The following SERPINE2 variants were observed in gnomAD, a reference collection of about 807,000 sequenced individuals.
SERPINE2 encodes serpin family E member 2, also known as glia-derived nexin.
SERPINE2 carries 14 observed loss-of-function variants against 36.3 expected under a neutral mutation model. The ratio of observed to expected loss-of-function variants is 0.39; its 90% confidence interval spans 0.25 to 0.60. SERPINE2 has a LOEUF of 0.60. Among genes scored for constraint, SERPINE2 ranks in the 20% least tolerant of loss-of-function variants. The pLI, the probability that SERPINE2 is intolerant of heterozygous loss-of-function variation, is 0.57. For missense variants in SERPINE2, 418 were observed against 499.6 expected (o/e 0.84, Z 1.56); for synonymous variants, 192 against 191.8 (o/e 1.00, Z -0.01).
chr2:224,013,248 C>T (rs543985672), intron 1 of SERPINE2, among the ~76,000 whole-genome samples: 3 of 152,250 alleles, frequency 2.0e-5, no homozygotes, highest in East Asian at 1.9e-4. Context: ...AACCCCATAT[C>T]CTCCATGAAC....
chr2:224,010,298 T>C, intron 1 of SERPINE2: 1 of 962,252 alleles, frequency 1.0e-6, no homozygotes, highest in Non-Finnish European at 1.2e-6. Flanking sequence ...TCTATGACAC[T>C]AATTAATTTG....
intron 1 of SERPINE2, chr2:224,010,276 G>T: frequency 1.2e-6 from 1 of 847,550 alleles, no homozygotes; most frequent in Non-Finnish European, 1.4e-6. Flanking sequence ...TGCCTTCAAA[G>T]TGTATGCTCA....
chr2:224,009,585 C>T (rs752849285), intron 1 of SERPINE2, among the ~76,000 whole-genome samples: 2 of 152,066 alleles, frequency 1.3e-5, no homozygotes, highest in African/African-American at 4.8e-5. Context: ...ATCCCAGCTA[C>T]TCCAGAGGCT....
intron 1 of SERPINE2, among the ~76,000 whole-genome samples, chr2:224,021,407 A>G (rs950532101): frequency 7.2e-5 from 11 of 152,224 alleles, no homozygotes; most frequent in South Asian, 2.1e-4. Flanking sequence ...AGAGGGAAGC[A>G]CAAGAGTAGA....
At chr2:224,005,053 ATTT>A (rs869196907) in intron 1 of SERPINE2, among the ~76,000 whole-genome samples, 13 of 22,632 alleles carry the variant, frequency 5.7e-4, no homozygotes, top group African/African-American at 9.8e-4. Flanking sequence ...TATTTTATAT[ATTT>A]TATATATATT....
chr2:223,985,190 C>A, intron 4 of SERPINE2: 1 of 530,478 alleles, frequency 1.9e-6, no homozygotes, highest in Non-Finnish European at 3.4e-6. Flanking sequence ...CACTTTAATT[C>A]TGTTAAGGAG....
Sources: gnomAD v4.1 joint callset for allele counts (sites outside exome capture counted in the v4.1 genomes callset) on GRCh38, gnomAD v4.1.1 for gene constraint, MANE v1.5 for transcripts, NCBI Gene and HGNC (gene_info 2026-07-23, HGNC 2026-07-21) for gene names.